ZNF433: variants seen among roughly 807,000 people sequenced by gnomAD.
ZNF433 encodes zinc finger protein 433.
ZNF433 carries 12 observed loss-of-function variants against 10.6 expected under a neutral mutation model. That is an observed-to-expected ratio of 1.13 (90% confidence interval 0.72 to 1.83). The LOEUF is 1.83. ZNF433 is among the 40% of genes most tolerant of loss of function. The pLI is 0.00. For synonymous variants in ZNF433, 272 were observed against 271.3 expected (o/e 1.00, Z -0.02); for missense variants, 737 against 798.0 (o/e 0.92, Z 0.92).
At chr19:12,030,837 T>C (rs1490141491) in intron 1 of ZNF433, among the ~76,000 whole-genome samples, 1 of 151,930 alleles carries the variant, frequency 6.6e-6, no homozygotes, top group African/African-American at 2.4e-5. Flanking sequence ...CCAGCACTTT[T>C]GGAGGTGGAG....
intron 1 of ZNF433, among the ~76,000 whole-genome samples, chr19:12,020,692 G>A (rs1599358248): frequency 2.0e-5 from 3 of 152,022 alleles, no homozygotes; most frequent in Admixed American, 6.6e-5. Flanking sequence ...AGAGGTGGCC[G>A]GATCACCTGG....
In ZNF433 at chr19:12,021,383, G is replaced by A. The variant is rs1358527823; in HGVS notation, c.4-3091C>T. ...TTATAGCAAAAAGCCTTTTAAGGCA[G>A]TGCACAGAGAATCTCTCCCACCAAA... On this transcript the variant is annotated intron_variant, in intron 1 of 3. Transcript: ENST00000550507. Among the ~76,000 whole-genome samples the A allele has an allele frequency of 3.3e-5, 5 of 152,174 alleles. 1 individual carries two copies. Among genetic ancestry groups the A allele is most frequent in the Non-Finnish European group, 7.3e-5 (5 of 68,036 alleles).
chr19:12,029,480 C>T (rs1974894741), intron 1 of ZNF433, among the ~76,000 whole-genome samples: 1 of 124,520 alleles, frequency 8.0e-6, no homozygotes, highest in Non-Finnish European at 1.6e-5. Context: ...TGAGATTGCA[C>T]CACTGCACTC....
Position 12,034,769 on chromosome 19 carries a change from C to A in ZNF433, c.3+768G>T, listed in dbSNP as rs1476277238. The stretch of plus-strand genomic sequence containing the variant: ...ACGGCCACCTTCAGAATCCCTCAAC[C>A]ACCTGCACCTTCTAACCCCCCTTCC... On this transcript the variant is annotated intron_variant, in intron 1 of 3. Coordinates refer to ENST00000550507, the MANE Select transcript of ZNF433 (RefSeq NM_001308348.2). 6.6e-6 allele frequency: 3 copies of A among 453,866 alleles called. No homozygotes were observed. The East Asian group carries it at 2.1e-4, about 32-fold the overall frequency. 28.1% of individuals were successfully genotyped at this position (453,866 alleles called of 1,614,324 possible). A position where few individuals can be genotyped will look rare whatever the true frequency, so the allele number is the denominator to read the frequency against.
At chr19:12,024,508 C>T (rs1599365389) in intron 1 of ZNF433, 1 of 152,302 alleles carries the variant, frequency 6.6e-6, no homozygotes, top group South Asian at 2.1e-4. Flanking sequence ...TAAGGGATAT[C>T]AACTGGATAC....
At chr19:12,032,573 T>A (rs1975088171) in intron 1 of ZNF433, among the ~76,000 whole-genome samples, 1 of 151,492 alleles carries the variant, frequency 6.6e-6, no homozygotes, top group Non-Finnish European at 1.5e-5. Context: ...AGCCTCCACC[T>A]CCCAGGTTCA....
intron 1 of ZNF433, 133 bp from the exon 2 acceptor site, chr19:12,018,425 T>G (rs1974323714): frequency 9.5e-7 from 1 of 1,048,538 alleles, no homozygotes; most frequent in East Asian, 2.8e-5. Context: ...GACCTCATAC[T>G]CTCTGTCTAC....
Position 12,014,947 on chromosome 19 carries a change from G to T in ZNF433, c.1911C>A (p.His637Gln). The T allele has an allele frequency of 6.2e-7, 1 of 1,614,040 alleles. No homozygotes were observed. The highest frequency in any genetic ancestry group is 8.5e-7 in the Non-Finnish European group (1 of 1,179,960). ...PSNLRRHGRT[H>Q]TGEKPYKCNQ... is the part of the protein sequence containing the mutation. ...TACATTTATAGGGTTTCTCTCCAGT[G>T]TGAGTCCTTCCATGCCTTCGAAGGT... The change falls in exon 4 of 4, where the codon CAC becomes CAA. Residue 637 changes from histidine (H) to glutamine (Q), a missense_variant. Coordinates refer to ENST00000550507, the MANE Select transcript of ZNF433 (RefSeq NM_001308348.2).
Position 12,035,606 on chromosome 19 carries a change from G to A in ZNF433, c.-67C>T. 6.5e-7 allele frequency: 1 copy of A among 1,548,454 alleles called. No individual in the cohort carries two copies. The highest frequency in any genetic ancestry group is 2.5e-5 in the East Asian group (1 of 40,684). On this transcript the variant is annotated 5_prime_UTR_variant, in exon 1 of 4. Transcript: ENST00000550507. Reference sequence around the variant, plus strand: ...AGCACAGGCGACAGAAGCTATGGCAGAGGCACCTGAACCCTCTCGGAGGGG... The same window carrying A: ...AGCACAGGCGACAGAAGCTATGGCAAAGGCACCTGAACCCTCTCGGAGGGG...
chr19:12,023,851 A>T (rs978156326), intron 1 of ZNF433: 1 of 152,142 alleles, frequency 6.6e-6, no homozygotes, highest in Non-Finnish European at 1.5e-5. Context: ...CAGAGCAATT[A>T]TATAGCCCTG....
rs1426242583 is a variant in ZNF433 at position 12,031,304 on chromosome 19, AAAAAAACAAAAC to A, written c.3+4221_3+4232del. Among the ~76,000 whole-genome samples, 414 of 132,120 alleles carry A rather than the reference AAAAAAACAAAAC, an allele frequency of 3.1e-3. 15 individuals are homozygous for A. The highest frequency in any genetic ancestry group is 0.016 in the African/African-American group (388 of 23,516). The allele number at this position is 132,120 out of a possible 152,430, so 86.7% of individuals were successfully genotyped here. On this transcript the variant is annotated intron_variant, in intron 1 of 3. Transcript: ENST00000550507. The stretch of plus-strand genomic sequence containing the variant: ...AGTGAGACTCCATCTCAAAAAAAAA[AAAAAAACAAAAC>A]AAAAAAAAAAACAAAGCAGCTGACC...
intron 1 of ZNF433, among the ~76,000 whole-genome samples, chr19:12,030,874 G>A (rs1056377693): frequency 1.3e-5 from 2 of 152,076 alleles, no homozygotes; most frequent in Non-Finnish European, 2.9e-5. Flanking sequence ...TCAGGAATTC[G>A]AGACAAGCCT....
chr19:12,034,789 C>T, intron 1 of ZNF433: 1 of 453,794 alleles, frequency 2.2e-6, no homozygotes, highest in South Asian at 1.6e-5. Flanking sequence ...TTCTAACCCC[C>T]CTTCCACAGG....
intron 1 of ZNF433, among the ~76,000 whole-genome samples, chr19:12,027,358 C>G (rs1974790575): frequency 6.6e-6 from 1 of 152,200 alleles, no homozygotes; most frequent in Non-Finnish European, 1.5e-5. Context: ...ATGTTGGGGA[C>G]AGGCTCCCAA....
chr19:12,019,844 A>G (rs961850592), intron 1 of ZNF433, among the ~76,000 whole-genome samples: 2 of 152,254 alleles, frequency 1.3e-5, no homozygotes, highest in African/African-American at 2.4e-5. Flanking sequence ...AATTCACCTT[A>G]GATGAGTTAT....
In ZNF433 at chr19:12,016,010, T is replaced by A. The variant is rs751105316; in HGVS notation, c.848A>T (p.Gln283Leu). 3.1e-6 allele frequency: 5 copies of A among 1,614,078 alleles called. No individual in the cohort carries two copies. In the East Asian group the frequency reaches 1.1e-4, roughly 36 times the overall value. ...HTGEKPYECK[Q>L]CGKAFSSSHS... is the part of the protein sequence containing the mutation. Reference sequence around the variant, plus strand: ...GGAAGAGCTGAAGGCTTTCCCACACTGTTTACATTCATATGGCTTCTCCCC... The same window carrying A: ...GGAAGAGCTGAAGGCTTTCCCACACAGTTTACATTCATATGGCTTCTCCCC... Residue 283 changes from glutamine (Q) to leucine (L), a missense_variant, in exon 4 of 4, where the codon CAG (glutamine) becomes CTG (leucine). Coordinates refer to ENST00000550507, the MANE Select transcript of ZNF433 (RefSeq NM_001308348.2).
chr19:12,025,409 G>A (rs1008214128), intron 1 of ZNF433: 16 of 152,198 alleles, frequency 1.1e-4, no homozygotes, highest in African/African-American at 3.9e-4. Context: ...TAACTGAAGG[G>A]AATCAAATGG....
At chr19:12,029,541 AAAAAAAAAG>A (rs1974902256) in intron 1 of ZNF433, among the ~76,000 whole-genome samples, 1 of 150,588 alleles carries the variant, frequency 6.6e-6, no homozygotes, top group Non-Finnish European at 1.5e-5. Flanking sequence ...AAAAAAAAAA[AAAAAAAAAG>A]CCAGGATGTT....
chr19:12,016,654 C>T lies in ZNF433; in HGVS notation c.204G>A (p.Glu68=). ...NLRRNLRIVG[E]RLFESKEGHQ... The stretch of plus-strand genomic sequence containing the variant: ...GACCTTCTTTACTTTCAAAGAGTCT[C>T]TCTCCCACAATTCTGTGAACAATAA... The change falls in exon 4 of 4, where the codon GAG becomes GAA. Residue 68 remains glutamate (E), a synonymous_variant. Transcript: ENST00000550507. 6.2e-7 allele frequency: 1 copy of T among 1,613,662 alleles called. No individual in the cohort carries two copies. Among genetic ancestry groups the T allele is most frequent in the Non-Finnish European group, 8.5e-7 (1 of 1,179,894 alleles).
Sources: gnomAD v4.1 joint callset for allele counts (sites outside exome capture counted in the v4.1 genomes callset) on GRCh38, gnomAD v4.1.1 for gene constraint, MANE v1.5 for transcripts, NCBI Gene and HGNC (gene_info 2026-07-23, HGNC 2026-07-21) for gene names.